Variants in KRT8 observed in about 807,000 individuals in gnomAD.
KRT8 encodes the protein keratin, type II cytoskeletal 8.
A neutral mutation model predicts 43.0 loss-of-function variants in KRT8; 24 were observed. The observed-to-expected ratio is 0.56, with a 90% CI of 0.40 to 0.78. KRT8 has a LOEUF of 0.78. Among genes scored for constraint, KRT8 ranks in the 30% least tolerant of loss-of-function variants. The pLI, the probability that KRT8 is intolerant of heterozygous loss-of-function variation, is 0.00. For synonymous variants in KRT8, 214 were observed against 261.2 expected (o/e 0.82, Z 1.74); for missense variants, 492 against 638.4 (o/e 0.77, Z 2.47).
chr12:52,906,836 C>G (rs1941531134), upstream of KRT8: 1 of 453,108 alleles, frequency 2.2e-6, no homozygotes, highest in Non-Finnish European at 4.4e-6. Flanking sequence ...TCTTCCCCAT[C>G]CTTCTCTAGG....
intron 2 of KRT8, among the ~76,000 whole-genome samples, chr12:52,931,065 C>T (rs554904064): frequency 6.7e-6 from 1 of 149,856 alleles, no homozygotes; most frequent in Non-Finnish European, 1.5e-5. Flanking sequence ...GTGTCTCCCC[C>T]AGATTCTTTT....
chr12:52,897,531 C>G (rs1401350895), exon 8 of KRT8: 4 of 1,598,476 alleles, frequency 2.5e-6, no homozygotes. Flanking sequence ...GCTGAAGGAG[C>G]TGGAGCCCGC....
intron 2 of KRT8, among the ~76,000 whole-genome samples, chr12:52,922,397 G>C (rs1265318986): frequency 6.6e-6 from 1 of 152,134 alleles, no homozygotes; most frequent in African/African-American, 2.4e-5. Flanking sequence ...AGGAGGCCAG[G>C]CACGGTGGCT....
chr12:52,922,979 A>G (rs557534380), intron 2 of KRT8, among the ~76,000 whole-genome samples: 39 of 152,222 alleles, frequency 2.6e-4, no homozygotes, highest in Admixed American at 6.5e-4. Flanking sequence ...GACCTCCAGG[A>G]GCTTCCCCGC....
At chr12:52,932,888 T>C (rs1942107307) in intron 2 of KRT8, among the ~76,000 whole-genome samples, 1 of 152,182 alleles carries the variant, frequency 6.6e-6, no homozygotes, top group Non-Finnish European at 1.5e-5. Context: ...TTAGCAAGAT[T>C]GCAGGATAAA....
rs1207535577 is a variant in KRT8, at chr12:52,927,771, GA to G, written c.-47+21684del. The stretch of plus-strand genomic sequence containing the variant: ...GTCTTCTCAACTGCAACCAGAGACA[GA>G]CAGCCTCTAGAACAGGGAGTGCTCA... On this transcript the variant is annotated intron_variant, in intron 2 of 6. Coordinates refer to the KRT8 transcript ENST00000546826. Among the ~76,000 whole-genome samples, 9 of 152,302 alleles carry G rather than the reference GA, an allele frequency of 5.9e-5. No homozygotes were observed. In the South Asian group the frequency reaches 1.2e-3, roughly 21 times the overall value.
chr12:52,898,638 G>A, intron 6 of KRT8, 41 bp downstream of exon 6: 3 of 1,613,750 alleles, frequency 1.9e-6, no homozygotes, highest in Non-Finnish European at 2.5e-6. Flanking sequence ...CCAGGTCCCA[G>A]GGATAGGGAA....
chr12:52,902,397 T>C (rs562662085), intron 1 of KRT8, among the ~76,000 whole-genome samples: 36 of 152,220 alleles, frequency 2.4e-4, no homozygotes, highest in Admixed American at 2.3e-3. Context: ...ATAGCCAAGC[T>C]TTCTTTGGGA....
intron 3 of KRT8, 45 bp downstream of exon 3, chr12:52,901,114 G>C (rs770705911): frequency 6.5e-6 from 9 of 1,385,662 alleles, no homozygotes; most frequent in Non-Finnish European, 8.2e-6. Flanking sequence ...GAGTCTCTGA[G>C]CCCCAGCCTC....
intron 2 of KRT8, among the ~76,000 whole-genome samples, chr12:52,943,645 T>C (rs2010217): frequency 0.085 from 12,959 of 152,226 alleles, 1,829 homozygotes; most frequent in African/African-American, 0.29. Flanking sequence ...GTGTTCAGTG[T>C]ACAGGCACAC....
At chr12:52,901,027 C>A in intron 3 of KRT8, 132 bp downstream of exon 3, 1 of 790,018 alleles carries the variant, frequency 1.3e-6, no homozygotes, top group East Asian at 2.4e-5. Flanking sequence ...TTTCTGTGCA[C>A]CCAAATGTTT....
chr12:52,926,211 T>C (rs1458445941), intron 2 of KRT8, among the ~76,000 whole-genome samples: 1 of 138,340 alleles, frequency 7.2e-6, no homozygotes, highest in African/African-American at 2.7e-5. Flanking sequence ...CAGACTGATC[T>C]TCTACAAACA....
rs774607187 is a variant in KRT8, at chr12:52,941,478, C to CTTTTT, written c.-47+7973_-47+7977dup. Among the ~76,000 whole-genome samples the CTTTTT allele has an allele frequency of 3.9e-4, 28 of 72,578 alleles. 4 individuals carry two copies. The highest frequency in any genetic ancestry group is 1.5e-3 in the African/African-American group (25 of 16,488). The allele number at this position is 72,578 out of a possible 152,430, so 47.6% of individuals were successfully genotyped here. ...CGGGCTCCTCTAGCAAGTTTTTGCTCTTTTTTTTTTTTTTTTTTTTTTTTT... is the reference window on the plus strand; with the variant it reads ...CGGGCTCCTCTAGCAAGTTTTTGCTCTTTTTTTTTTTTTTTTTTTTTTTTTTTTTT... On this transcript the variant is annotated intron_variant, in intron 2 of 6. Transcript: ENST00000546826.
At chr12:52,931,293 T>G (rs2120697263) in intron 2 of KRT8, among the ~76,000 whole-genome samples, 1 of 152,096 alleles carries the variant, frequency 6.6e-6, no homozygotes, top group East Asian at 1.9e-4. Context: ...GGTCTCAATC[T>G]CCTGACCTCG....
chr12:52,938,180 TTTTTTA>T (rs1266767650), intron 2 of KRT8, among the ~76,000 whole-genome samples: 674 of 58,568 alleles, frequency 0.012, 66 homozygotes, highest in African/African-American at 0.031. Flanking sequence ...ATTTTTTTTT[TTTTTTA>T]TATATAAGGT....
intron 4 of KRT8, 152 bp downstream of exon 4, chr12:52,900,436 T>C: frequency 1.4e-6 from 1 of 701,468 alleles, no homozygotes; most frequent in Non-Finnish European, 2.6e-6. Context: ...CAATAAATAC[T>C]AGCCGAGCAA....
intron 2 of KRT8, among the ~76,000 whole-genome samples, chr12:52,935,034 A>G (rs918839898): frequency 3.3e-5 from 5 of 151,806 alleles, no homozygotes; most frequent in African/African-American, 1.2e-4. Context: ...TCTCTACTCA[A>G]AATACAAATA....
At chr12:52,926,332 G>GCCCACCCCCC in intron 2 of KRT8, 4 of 600,254 alleles carry the variant, frequency 6.7e-6, no homozygotes, top group East Asian at 3.3e-5. Context: ...GGCACTAGCT[G>GCCCACCCCCC]CCCTCCCCAC....
rs1423905546 is a variant in KRT8, at chr12:52,901,954, C to G, written c.443G>C (p.Arg148Thr). The change falls in exon 2 of 8, where the codon AGG (arginine) becomes ACG (threonine). Residue 148 changes from arginine to threonine, a missense_variant. Coordinates refer to ENST00000692008, the Ensembl canonical transcript of KRT8. ...CTGGCCCAGAGTCTCCAGCTGCCGC[C>G]TAAGGTTGTTGATGTAGCTCTCGAA... 6.2e-6 allele frequency: 10 copies of G among 1,609,662 alleles called. No homozygotes were observed. In the Admixed American group the frequency reaches 8.3e-5, roughly 13 times the overall value.
Sources: allele counts gnomAD v4.1 joint callset (sites outside exome capture counted in the v4.1 genomes callset), GRCh38; gene constraint gnomAD v4.1.1; transcripts MANE v1.5; gene names NCBI Gene and HGNC (gene_info 2026-07-23, HGNC 2026-07-21).